Variants in ADGRE1 observed in about 807,000 individuals in gnomAD.
ADGRE1 encodes the protein adhesion G protein-coupled receptor E1.
A neutral mutation model predicts 102.7 loss-of-function variants in ADGRE1; 82 were observed. The observed-to-expected ratio is 0.80, with a 90% CI of 0.67 to 0.96. ADGRE1 has a LOEUF of 0.96. ADGRE1 is among the 40% of genes least tolerant of loss of function. The pLI, the probability that ADGRE1 is intolerant of heterozygous loss-of-function variation, is 0.00. For synonymous variants in ADGRE1, 398 were observed against 399.6 expected, an observed-to-expected ratio of 1.00 and a Z score of 0.05; for missense variants, 1,032 against 1,085.3, an observed-to-expected ratio of 0.95 and a Z score of 0.69.
At chr19:6,905,373 T>A (rs1444426586) in intron 8 of ADGRE1, among the ~76,000 whole-genome samples, 2 of 150,576 alleles carry the variant, frequency 1.3e-5, no homozygotes, top group Admixed American at 1.3e-4. Flanking sequence ...TTTTTTTTTT[T>A]ATGGAGTCTC....
chr19:6,926,634 T>G (rs924223166), intron 16 of ADGRE1, 33 bp downstream of exon 16: 1 of 1,606,048 alleles, frequency 6.2e-7, no homozygotes, highest in Non-Finnish European at 8.5e-7. Flanking sequence ...CTGAAGACCC[T>G]GCTGCCAGGG....
chr19:6,890,359 C>T, intron 1 of ADGRE1, 122 bp from the exon 2 acceptor site: 4 of 845,090 alleles, frequency 4.7e-6, no homozygotes, highest in Non-Finnish European at 7.2e-6. Flanking sequence ...TGTCATCTAG[C>T]CTCTTCAAAC....
chr19:6,900,400 A>C (rs1156528932), intron 5 of ADGRE1, among the ~76,000 whole-genome samples: 1 of 152,086 alleles, frequency 6.6e-6, no homozygotes, highest in Non-Finnish European at 1.5e-5. Context: ...TGGGAGGATC[A>C]CTTGAAACCA....
chr19:6,890,628 A>T (rs536253574), intron 2 of ADGRE1, 85 bp downstream of exon 2: 1 of 1,421,144 alleles, frequency 7.0e-7, no homozygotes, highest in Admixed American at 2.2e-5. Flanking sequence ...GCTGAGCCTC[A>T]TCCAGATGCT....
chr19:6,916,414 A>G (rs771428149), intron 12 of ADGRE1, 46 bp downstream of exon 12: 13 of 1,583,474 alleles, frequency 8.2e-6, no homozygotes, highest in Non-Finnish European at 1.1e-5. Flanking sequence ...TATTCCATCA[A>G]TAAGTATTTA....
intron 1 of ADGRE1, among the ~76,000 whole-genome samples, chr19:6,889,125 G>A (rs1460344527): frequency 6.6e-6 from 1 of 151,578 alleles, no homozygotes; most frequent in Non-Finnish European, 1.5e-5. Flanking sequence ...GATGATAATG[G>A]TGATGATAGG....
chr19:6,914,226 A>G (rs1974298632), intron 11 of ADGRE1, among the ~76,000 whole-genome samples: 1 of 152,168 alleles, frequency 6.6e-6, no homozygotes, highest in Non-Finnish European at 1.5e-5. Flanking sequence ...ATGGGAATAG[A>G]GTAGTTGCAG....
At chr19:6,896,305 T>C in intron 2 of ADGRE1, 93 bp from the exon 3 acceptor site, 1 of 1,313,304 alleles carries the variant, frequency 7.6e-7, no homozygotes, top group South Asian at 1.3e-5. Flanking sequence ...ATCCAACCCA[T>C]AACAGTCACC....
At chr19:6,907,810 C>T (rs1349323899) in intron 9 of ADGRE1, among the ~76,000 whole-genome samples, 1 of 152,200 alleles carries the variant, frequency 6.6e-6, no homozygotes, top group Non-Finnish European at 1.5e-5. Flanking sequence ...TTTCACTTAG[C>T]ATGATATTTT....
intron 13 of ADGRE1, 40 bp downstream of exon 13, chr19:6,919,787 T>C (rs1974564611): frequency 3.1e-6 from 5 of 1,589,812 alleles, no homozygotes; most frequent in Non-Finnish European, 4.3e-6. Flanking sequence ...TGTCTACCTG[T>C]TGGGAACTCC....
At position 6,896,523 on chromosome 19, in the gene ADGRE1, C is replaced by T; in HGVS notation, c.220C>T (p.Pro74Ser). The T allele has an allele frequency of 6.2e-7, 1 of 1,614,076 alleles. No homozygotes were observed. Residue 74 changes from proline to serine, a missense_variant, in exon 3 of 21, where the codon CCA (proline) becomes TCA (serine). Transcript: ENST00000312053. ...CAATGGGCAAAATCACTTCAAGGATCCAGGAGTGCGATGCAAAGGTGAGTT... is the reference window on the plus strand; with the variant it reads ...CAATGGGCAAAATCACTTCAAGGATTCAGGAGTGCGATGCAAAGGTGAGTT... Reference protein sequence around the residue: ...SSNGQNHFKDPGVRCKDIDEC... With the variant: ...SSNGQNHFKDSGVRCKDIDEC...
At chr19:6,912,753 T>C (rs1429541626) in intron 10 of ADGRE1, among the ~76,000 whole-genome samples, 1 of 152,178 alleles carries the variant, frequency 6.6e-6, no homozygotes, top group Non-Finnish European at 1.5e-5. Flanking sequence ...GCATTTAGGC[T>C]TTCCACAAAC....
Position 6,897,248 on chromosome 19 carries a change from C to G in ADGRE1, c.338C>G (p.Ser113Cys), listed in dbSNP as rs577316799. The change falls in exon 4 of 21, where the codon TCT becomes TGT. Residue 113 changes from serine (S) to cysteine (C), a missense_variant. Ser to Cys is a moderately radical substitution (Grantham distance 112). Coordinates refer to ENST00000312053, the MANE Select transcript of ADGRE1 (RefSeq NM_001974.5). Reference sequence around the variant, plus strand: ...AAGTGCAGCTGTTTAGATGGTTTCTCTTCTCCCACTGGAAATGACTGGGTC... The same window carrying G: ...AAGTGCAGCTGTTTAGATGGTTTCTGTTCTCCCACTGGAAATGACTGGGTC... The part of the protein sequence containing the change: ...RYKCSCLDGF[S>C]SPTGNDWVPG... 1 of 1,613,834 alleles carries G rather than the reference C, an allele frequency of 6.2e-7. No homozygotes were observed. Among genetic ancestry groups the G allele is most frequent in the Non-Finnish European group, 8.5e-7 (1 of 1,179,976 alleles).
Position 6,940,151 on chromosome 19 carries a change from AACCC to A in ADGRE1, c.*123_*126del. 2.5e-6 allele frequency: 3 copies of A among 1,197,976 alleles called. No homozygotes were observed. Among genetic ancestry groups the A allele is most frequent in the Non-Finnish European group, 3.6e-6 (3 of 827,614 alleles). The allele number at this position is 1,197,976 out of a possible 1,614,324, so 74.2% of individuals were successfully genotyped here. A position where few individuals can be genotyped will look rare whatever the true frequency, so the allele number is the denominator to read the frequency against. The stretch of plus-strand genomic sequence containing the variant: ...GAAATGAGGATCCCACCAGCCCCAG[AACCC>A]TCTGGGGAAGAATGTTGGGGGCGGT... On this transcript the variant is annotated 3_prime_UTR_variant, in exon 21 of 21. Coordinates refer to ENST00000312053, the MANE Select transcript of ADGRE1 (RefSeq NM_001974.5).
chr19:6,902,755 G>C (rs183855921), intron 6 of ADGRE1, among the ~76,000 whole-genome samples: 234 of 151,964 alleles, frequency 1.5e-3, no homozygotes, highest in African/African-American at 5.5e-3. Flanking sequence ...TTTTGTTTTT[G>C]AGACGGAGTC....
rs2145007933 is a variant in ADGRE1, at chr19:6,928,404, TC to T, written c.2289+194del. ...ACTTTGGGAGGCTGAGGCGGGTGGATCACCTGAGGTCAGGAGTTCGAGAACA... is the reference window on the plus strand; with the variant it reads ...ACTTTGGGAGGCTGAGGCGGGTGGATACCTGAGGTCAGGAGTTCGAGAACA... On this transcript the variant is annotated intron_variant, in intron 17 of 20. Transcript: ENST00000312053. The T allele has an allele frequency of 4.4e-6, 6 of 1,354,034 alleles. No individual in the cohort carries two copies. In the South Asian group the frequency reaches 8.9e-5, roughly 20 times the overall value. 83.9% of individuals were successfully genotyped at this position (1,354,034 alleles called of 1,614,324 possible).
At chr19:6,898,350 T>G in intron 5 of ADGRE1, 1 of 1,598,140 alleles carries the variant, frequency 6.3e-7, no homozygotes. Flanking sequence ...GTGGTCCTAA[T>G]TCATCCTGCA....
chr19:6,888,090 T>C (rs1264476680), intron 1 of ADGRE1, among the ~76,000 whole-genome samples: 1 of 152,098 alleles, frequency 6.6e-6, no homozygotes, highest in African/African-American at 2.4e-5. Context: ...ATTTTGCAAA[T>C]GAGAAAACTG....
chr19:6,920,515 G>GTTTTTTTTTTT (rs1568355076), intron 13 of ADGRE1, among the ~76,000 whole-genome samples: 1 of 67,984 alleles, frequency 1.5e-5, no homozygotes, highest in Non-Finnish European at 3.4e-5. Context: ...CACCATGCCC[G>GTTTTTTTTTTT]CTTTTTTTTT....
Sources: allele counts gnomAD v4.1 joint callset (sites outside exome capture counted in the v4.1 genomes callset), GRCh38; gene constraint gnomAD v4.1.1; transcripts MANE v1.5; gene names NCBI Gene and HGNC (gene_info 2026-07-23, HGNC 2026-07-21).